The following TEK variants were observed in gnomAD, a reference collection of about 807,000 sequenced individuals.
TEK encodes the protein TEK receptor tyrosine kinase.
Under a neutral mutation model 131.8 loss-of-function variants are expected in TEK, and 43 were observed. That is an observed-to-expected ratio of 0.33 (90% CI 0.26 to 0.42). The LOEUF is 0.42. TEK is among the 10% of genes least tolerant of loss of function. The probability of loss-of-function intolerance (pLI) is 1.00; values close to 1 mark genes in which losing one functional copy is unlikely to be tolerated. For missense variants in TEK, 1,162 were observed against 1,384.4 expected (o/e 0.84, Z 2.55); for synonymous variants, 580 against 491.6 (o/e 1.18, Z -2.38).
chr9:27,144,162 G>C (rs1194211549), intron 1 of TEK, among the ~76,000 whole-genome samples: 1 of 152,008 alleles, frequency 6.6e-6, no homozygotes, highest in Non-Finnish European at 1.5e-5. Context: ...CATGCCTGTA[G>C]TCCCAGCTAC....
intron 6 of TEK, among the ~76,000 whole-genome samples, chr9:27,175,674 G>A (rs546516996): frequency 4.7e-4 from 71 of 151,970 alleles, no homozygotes; most frequent in African/African-American, 1.5e-3. Context: ...TTTAATGATC[G>A]CCATTCTAAC....
intron 21 of TEK, among the ~76,000 whole-genome samples, chr9:27,220,611 A>G (rs1018165974): frequency 1.3e-5 from 2 of 152,216 alleles, no homozygotes; most frequent in African/African-American, 4.8e-5. Context: ...TACCCGGCTC[A>G]TCTCATAGGG....
chr9:27,204,991 T>C lies in TEK; in HGVS notation c.2290T>C (p.Leu764=). The C allele has an allele frequency of 6.2e-7, 1 of 1,614,100 alleles. No homozygotes were observed. The highest frequency in any genetic ancestry group is 8.5e-7 in the Non-Finnish European group (1 of 1,179,954). ...SAGMTCLTVL[L]AFLIILQLKR... ...TGGAATGACCTGCCTGACTGTGCTG[T>C]TGGCCTTTCTGATCATATTGCAATT... The change falls in exon 14 of 23, where the codon TTG becomes CTG. Residue 764 remains leucine (L), a synonymous_variant. Coordinates refer to ENST00000380036, the MANE Select transcript of TEK (RefSeq NM_000459.5).
At chr9:27,143,582 T>A (rs1028217116) in intron 1 of TEK, among the ~76,000 whole-genome samples, 8 of 152,240 alleles carry the variant, frequency 5.3e-5, no homozygotes, top group Non-Finnish European at 1.2e-4. Flanking sequence ...GAACATTTAA[T>A]GAAATTGCCT....
At chr9:27,131,298 C>A (rs1297595015) in intron 1 of TEK, among the ~76,000 whole-genome samples, 1 of 151,044 alleles carries the variant, frequency 6.6e-6, no homozygotes, top group Non-Finnish European at 1.5e-5. Context: ...CCTGGCCTGG[C>A]CAACATGGTA....
At chr9:27,219,974 T>C (rs887443803) in intron 20 of TEK, 75 bp from the exon 21 acceptor site, 1 of 1,495,556 alleles carries the variant, frequency 6.7e-7, no homozygotes, top group Admixed American at 1.7e-5. Flanking sequence ...TGGCCCCTTA[T>C]ATTTAGAAAC....
At chr9:27,155,190 C>A (rs551443827) in intron 1 of TEK, among the ~76,000 whole-genome samples, 4 of 152,160 alleles carry the variant, frequency 2.6e-5, no homozygotes, top group Non-Finnish European at 5.9e-5. Context: ...CACTCAGAGT[C>A]AGGCCTGGGT....
intron 21 of TEK, among the ~76,000 whole-genome samples, chr9:27,221,981 TAAGAACGTTGA>T (rs945510053): frequency 6.6e-6 from 1 of 152,166 alleles, no homozygotes; most frequent in Non-Finnish European, 1.5e-5. Context: ...GCAAGGAAGC[TAAGAACGTTGA>T]AAAAAGGTTA....
chr9:27,123,297 G>A (rs1446253534), intron 1 of TEK, among the ~76,000 whole-genome samples: 3 of 152,042 alleles, frequency 2.0e-5, no homozygotes, highest in Non-Finnish European at 4.4e-5. Flanking sequence ...AGGGTGAGCT[G>A]CTGAAAGGGG....
chr9:27,138,250 T>C (rs1241218022), intron 1 of TEK, among the ~76,000 whole-genome samples: 1 of 152,248 alleles, frequency 6.6e-6, no homozygotes, highest in African/African-American at 2.4e-5. Context: ...TTGCCGCTGC[T>C]GGCTCAGGTG....
chr9:27,146,933 G>T (rs1435781748), intron 1 of TEK, among the ~76,000 whole-genome samples: 1 of 152,052 alleles, frequency 6.6e-6, no homozygotes, highest in South Asian at 2.1e-4. Context: ...GTTTCACCGT[G>T]TTAGCCAGGA....
At chr9:27,228,347 C>A in intron 22 of TEK, 42 bp downstream of exon 22, 1 of 1,452,380 alleles carries the variant, frequency 6.9e-7, no homozygotes, top group Non-Finnish European at 9.7e-7. Flanking sequence ...ATTGGAATAC[C>A]TGATGTGCCC....
In TEK at chr9:27,229,482, A is replaced by G. The variant is rs1163751305; in HGVS notation, c.*250A>G. On this transcript the variant is annotated 3_prime_UTR_variant, in exon 23 of 23. Coordinates refer to ENST00000380036, the MANE Select transcript of TEK (RefSeq NM_000459.5). ...GCCTGTTTGTGGTTTCATATGCAATAATATATTTTTTTAAAAATGTGGACT... is the reference window on the plus strand; with the variant it reads ...GCCTGTTTGTGGTTTCATATGCAATGATATATTTTTTTAAAAATGTGGACT... The G allele has an allele frequency of 1.9e-6, 1 of 522,286 alleles. No homozygotes were observed. The allele number at this position is 522,286 out of a possible 1,614,324, so 32.4% of individuals were successfully genotyped here.
intron 1 of TEK, among the ~76,000 whole-genome samples, chr9:27,118,087 G>A (rs1394254496): frequency 6.6e-6 from 1 of 152,156 alleles, no homozygotes; most frequent in Admixed American, 6.5e-5. Context: ...ACTCCACCCT[G>A]GGGACAGGAG....
At chr9:27,137,493 T>C (rs1230235418) in intron 1 of TEK, among the ~76,000 whole-genome samples, 1 of 152,172 alleles carries the variant, frequency 6.6e-6, no homozygotes, top group African/African-American at 2.4e-5. Flanking sequence ...ACAAAGTTCT[T>C]ATATTACATA....
chr9:27,109,543 G>A lies in TEK; in HGVS notation c.-48G>A, dbSNP rs772417775. 5.6e-6 allele frequency: 9 copies of A among 1,602,258 alleles called. No individual in the cohort carries two copies. The highest frequency in any genetic ancestry group is 6.0e-6 in the Non-Finnish European group (7 of 1,169,194). ...CGCTGGGTTTTTGAAAGGATCCTTGGGACCTCATGCACATTTGTGGAAACT... is the reference window on the plus strand; with the variant it reads ...CGCTGGGTTTTTGAAAGGATCCTTGAGACCTCATGCACATTTGTGGAAACT... On this transcript the variant is annotated 5_prime_UTR_variant, in exon 1 of 23. Coordinates refer to ENST00000380036, the MANE Select transcript of TEK (RefSeq NM_000459.5).
At chr9:27,226,602 A>G (rs897875558) in intron 21 of TEK, among the ~76,000 whole-genome samples, 6 of 152,192 alleles carry the variant, frequency 3.9e-5, no homozygotes, top group Non-Finnish European at 7.3e-5. Context: ...GAGGGATAGC[A>G]TTAGGAGAAA....
chr9:27,159,936 A>G (rs1380020792), intron 2 of TEK, among the ~76,000 whole-genome samples: 1 of 149,876 alleles, frequency 6.7e-6, no homozygotes, highest in South Asian at 2.1e-4. Flanking sequence ...CCAAATTAGT[A>G]TCATCACAAC....
chr9:27,175,038 C>G (rs182525146), intron 6 of TEK, among the ~76,000 whole-genome samples: 3,622 of 149,680 alleles, frequency 0.024, 55 homozygotes, highest in Non-Finnish European at 0.038. Flanking sequence ...GCACAATGTG[C>G]AGGTTAGTTA....
Sources: gnomAD v4.1 joint callset for allele counts (sites outside exome capture counted in the v4.1 genomes callset) on GRCh38, gnomAD v4.1.1 for gene constraint, MANE v1.5 for transcripts, NCBI Gene and HGNC (gene_info 2026-07-23, HGNC 2026-07-21) for gene names.